Variants in PCDHA4 observed in about 807,000 individuals in gnomAD.
PCDHA4 encodes the protein protocadherin alpha 4, also known as protocadherin alpha-4.
In PCDHA4, 49 loss-of-function variants were observed where a neutral mutation model predicts 61.4. The ratio of observed to expected loss-of-function variants is 0.80; its 90% confidence interval spans 0.63 to 1.01. The LOEUF (loss-of-function observed/expected upper bound fraction) is 1.01. PCDHA4 is among the 50% of genes least tolerant of loss of function. The pLI, the probability that PCDHA4 is intolerant of heterozygous loss-of-function variation, is 0.00. For synonymous variants in PCDHA4, 590 were observed against 550.3 expected (o/e 1.07, Z -1.01); for missense variants, 1,254 against 1,235.8 (o/e 1.01, Z -0.22).
At chr5:140,866,322 C>G (rs1235184378) in intron 1 of PCDHA4, 1 of 152,052 alleles carries the variant, frequency 6.6e-6, no homozygotes, top group Non-Finnish European at 1.5e-5. Context: ...TTCAGGGACC[C>G]TGAACTTGGC....
At chr5:140,916,367 CT>C (rs1359695566) in intron 1 of PCDHA4, among the ~76,000 whole-genome samples, 1 of 152,196 alleles carries the variant, frequency 6.6e-6, no homozygotes, top group Non-Finnish European at 1.5e-5. Flanking sequence ...GAGTCTTTCA[CT>C]GTAGCCACCA....
chr5:140,825,239 A>G (rs913025032), intron 1 of PCDHA4: 3 of 151,408 alleles, frequency 2.0e-5, no homozygotes, highest in Non-Finnish European at 4.4e-5. Context: ...ATCTGGATCT[A>G]TGGTGTTCCA....
In PCDHA4 at chr5:140,968,269, T is replaced by C. The variant is rs558051125; in HGVS notation, c.2386-10680T>C. On this transcript the variant is annotated intron_variant, in intron 1 of 3. Coordinates refer to ENST00000530339, the MANE Select transcript of PCDHA4 (RefSeq NM_018907.4). ...CCACAGACCCAGATGAAAAGGAGAATGCAGAGGTGACCTACTCCCTTCTGG... is the reference window on the plus strand; with the variant it reads ...CCACAGACCCAGATGAAAAGGAGAACGCAGAGGTGACCTACTCCCTTCTGG... 6.9e-5 allele frequency: 112 copies of C among 1,614,074 alleles called. 2 individuals carry two copies. In the South Asian group the frequency reaches 1.1e-3, roughly 16 times the overall value.
Position 140,807,989 on chromosome 5 carries a change from G to A in PCDHA4, c.802G>A (p.Asp268Asn). The change falls in exon 1 of 4, where the codon GAT becomes AAT. Residue 268 changes from aspartate to asparagine, a missense_variant. Transcript: ENST00000530339. The stretch of plus-strand genomic sequence containing the variant: ...ATTGGTAATTAAACTTAACGCCTCA[G>A]ATTTAGACGAAGGATTGAATGGGGA... ...GTLVIKLNAS[D>N]LDEGLNGDIV... is the part of the protein sequence containing the mutation. 1 of 1,613,702 alleles carries A rather than the reference G, an allele frequency of 6.2e-7. No individual in the cohort carries two copies. The highest frequency in any genetic ancestry group is 8.5e-7 in the Non-Finnish European group (1 of 1,179,626).
Position 141,009,859 on chromosome 5 carries a change from G to A in PCDHA4, c.2766G>A (p.Lys922=). The A allele has an allele frequency of 1.2e-6, 2 of 1,613,884 alleles. No homozygotes were observed. Among genetic ancestry groups the A allele is most frequent in the Non-Finnish European group, 1.7e-6 (2 of 1,179,960 alleles). The part of the protein sequence containing the change: ...TFGKKEETKK[K]KKKKKGNKTQ... ...GCAAAAAGGAGGAGACCAAGAAAAA[G>A]AAGAAAAAGAAGAAGGGTAACAAGA... The change falls in exon 4 of 4, where the codon AAG becomes AAA. Residue 922 remains lysine (K), a synonymous_variant. Transcript: ENST00000530339.
At chr5:140,822,479 A>C in intron 1 of PCDHA4, 1 of 1,613,856 alleles carries the variant, frequency 6.2e-7, no homozygotes, top group East Asian at 2.2e-5. Context: ...TTGGATGCTA[A>C]TGATAACGCC....
chr5:140,829,233 C>T, intron 1 of PCDHA4: 1 of 1,614,254 alleles, frequency 6.2e-7, no homozygotes, highest in Non-Finnish European at 8.5e-7. Context: ...GATTCAGGTG[C>T]CAACGGGCAG....
At chr5:140,851,199 C>T in intron 1 of PCDHA4, 2 of 1,195,966 alleles carry the variant, frequency 1.7e-6, no homozygotes, top group Non-Finnish European at 2.1e-6. Context: ...AGTTGTTAGT[C>T]ATTCATTAAA....
intron 1 of PCDHA4, chr5:140,823,508 A>T: frequency 6.2e-7 from 1 of 1,613,314 alleles, no homozygotes. Context: ...GCAGTGAGCG[A>T]GCTGGTGCCG....
intron 1 of PCDHA4, among the ~76,000 whole-genome samples, chr5:140,855,727 T>A (rs782065766): frequency 6.7e-6 from 1 of 149,598 alleles, no homozygotes; most frequent in Admixed American, 6.7e-5. Context: ...TGTTATTAAC[T>A]ATAAAGAGAC....
rs781920774 is a variant in PCDHA4 at position 140,882,850 on chromosome 5, T to A, written c.2385+73278T>A. 4 of 1,614,090 alleles carry A rather than the reference T, an allele frequency of 2.5e-6. No homozygotes were observed. In the African/African-American group the frequency reaches 5.3e-5, roughly 22 times the overall value. ...TTGAGCAAATGTCTTCATTATCACT[T>A]GTACTGAGGAAAACACTGGACAGAG... On this transcript the variant is annotated intron_variant, in intron 1 of 3. Coordinates refer to ENST00000530339, the MANE Select transcript of PCDHA4 (RefSeq NM_018907.4).
In PCDHA4 at chr5:140,833,781, T is replaced by C. The variant is rs143295216; in HGVS notation, c.2385+24209T>C. Among the ~76,000 whole-genome samples the C allele has an allele frequency of 2.8e-3, 433 of 152,262 alleles. 2 individuals carry two copies. The highest frequency in any genetic ancestry group is 0.01 in the African/African-American group (417 of 41,552). On this transcript the variant is annotated intron_variant, in intron 1 of 3. Transcript: ENST00000530339. ...ACACACACACACCGCTTTCTAAGTT[T>C]CTCTTTCATCAATCAGTAGATTCTT...
At chr5:140,973,088 A>G (rs2096571573) in intron 1 of PCDHA4, among the ~76,000 whole-genome samples, 4 of 152,204 alleles carry the variant, frequency 2.6e-5, no homozygotes, top group African/African-American at 7.2e-5. Flanking sequence ...CTGGCACAAC[A>G]TGTAGAAATT....
At chr5:140,992,949 T>G (rs1554253294) in intron 3 of PCDHA4, among the ~76,000 whole-genome samples, 1 of 152,162 alleles carries the variant, frequency 6.6e-6, no homozygotes, top group Admixed American at 6.5e-5. Context: ...GGAGATTAAA[T>G]CACCCCTTAT....
intron 3 of PCDHA4, among the ~76,000 whole-genome samples, chr5:140,985,991 A>G (rs575854221): frequency 2.7e-4 from 41 of 152,022 alleles, no homozygotes; most frequent in African/African-American, 9.2e-4. Context: ...CGCCCACCTC[A>G]GCCTCCCAAA....
intron 1 of PCDHA4, chr5:140,830,073 C>A (rs782807658): frequency 1.2e-6 from 2 of 1,613,470 alleles, no homozygotes; most frequent in African/African-American, 2.7e-5. Context: ...GCGCTGACAG[C>A]GACGGCCACG....
chr5:140,883,859 T>C (rs1554180306), intron 1 of PCDHA4: 12 of 1,613,116 alleles, frequency 7.4e-6, no homozygotes, highest in East Asian at 2.2e-5. Context: ...GCTGGAGCTG[T>C]TGCAGTTCCA....
At chr5:140,877,605 G>A (rs1554169915) in intron 1 of PCDHA4, 1 of 1,613,856 alleles carries the variant, frequency 6.2e-7, no homozygotes, top group Non-Finnish European at 8.5e-7. Context: ...CCAGCCTGCT[G>A]GTGCTCACGC....
chr5:140,913,981 G>A (rs1222294742), intron 1 of PCDHA4, among the ~76,000 whole-genome samples: 1 of 152,090 alleles, frequency 6.6e-6, no homozygotes, highest in Non-Finnish European at 1.5e-5. Flanking sequence ...TTTAGGACTT[G>A]TATTGTGACT....
Sources: allele counts gnomAD v4.1 joint callset (sites outside exome capture counted in the v4.1 genomes callset), GRCh38; gene constraint gnomAD v4.1.1; transcripts MANE v1.5; gene names NCBI Gene and HGNC (gene_info 2026-07-23, HGNC 2026-07-21).